Variants in GRIP1 observed in about 807,000 individuals in gnomAD.
The protein encoded by GRIP1 is glutamate receptor-interacting protein 1.
Under a neutral mutation model 129.9 loss-of-function variants are expected in GRIP1, and 45 were observed. The ratio of observed to expected loss-of-function variants is 0.35; its 90% CI spans 0.27 to 0.44. The LOEUF (loss-of-function observed/expected upper bound fraction) is 0.44. GRIP1 is among the 20% of genes least tolerant of loss of function. The pLI, the probability that GRIP1 is intolerant of heterozygous loss-of-function variation, is 1.00. For synonymous variants in GRIP1, 530 were observed against 520.8 expected, an observed-to-expected ratio of 1.02 and a Z score of -0.24; for missense variants, 1,196 against 1,396.8, an observed-to-expected ratio of 0.86 and a Z score of 2.29.
chr12:66,418,711 A>G (rs2057697791), intron 15 of GRIP1, among the ~76,000 whole-genome samples: 1 of 152,238 alleles, frequency 6.6e-6, no homozygotes, highest in Non-Finnish European at 1.5e-5. Context: ...ATCAGTGGTC[A>G]TCAGAGAAAT....
At chr12:66,532,227 T>C (rs1592501401) in intron 4 of GRIP1, among the ~76,000 whole-genome samples, 2 of 152,334 alleles carry the variant, frequency 1.3e-5, no homozygotes, top group African/African-American at 2.4e-5. Context: ...GGCTGGCTCT[T>C]CATGATTGGG....
In GRIP1 at chr12:66,515,625, C is replaced by T. The variant is rs1235575904; in HGVS notation, c.718G>A (p.Val240Ile). Residue 240 changes from valine (V) to isoleucine (I), a missense_variant, in exon 7 of 25, where the codon GTA becomes ATA. By Grantham distance (29) the Val-to-Ile change is conservative. Around this residue, in one of 5 missense-constraint regions of GRIP1, gnomAD observed 508 missense variants for 587.0 expected, o/e 0.87. Transcript: ENST00000359742. The part of the protein sequence containing the change: ...AALLIEYDVS[V>I]MDSVATASGP... Reference sequence around the variant, plus strand: ...CCTCAGGACCCCAACATACCCATTACTGAGACATCATATTCTATCAGCAGT... The same window carrying T: ...CCTCAGGACCCCAACATACCCATTATTGAGACATCATATTCTATCAGCAGT... 3 of 1,613,208 alleles carry T rather than the reference C, an allele frequency of 1.9e-6. No homozygotes were observed. The African/African-American group carries it at 4.0e-5, about 22-fold the overall frequency.
chr12:66,573,892 A>T (rs541179404), intron 2 of GRIP1, among the ~76,000 whole-genome samples: 1 of 152,268 alleles, frequency 6.6e-6, no homozygotes, highest in Admixed American at 6.5e-5. Context: ...GACTGCTGAG[A>T]GGGGGATCAT....
intron 2 of GRIP1, among the ~76,000 whole-genome samples, chr12:66,566,071 A>G (rs890306870): frequency 1.7e-4 from 26 of 152,132 alleles, no homozygotes; most frequent in Non-Finnish European, 1.9e-4. Flanking sequence ...CTGCAAACAG[A>G]GACAATTTGA....
At chr12:66,557,147 A>G (rs1047663428) in intron 2 of GRIP1, among the ~76,000 whole-genome samples, 3 of 152,114 alleles carry the variant, frequency 2.0e-5, no homozygotes, top group Non-Finnish European at 2.9e-5. Flanking sequence ...TCCTATGCCA[A>G]TGGAAACCAC....
chr12:66,565,341 T>C (rs145665664), intron 2 of GRIP1, among the ~76,000 whole-genome samples: 5,623 of 152,334 alleles, frequency 0.037, 336 homozygotes, highest in African/African-American at 0.13. Context: ...TTTCAATATA[T>C]GGCTAGCCAG....
At chr12:66,951,118 CAAAT>C (rs1200902280) in intron 1 of GRIP1, among the ~76,000 whole-genome samples, 1 of 152,102 alleles carries the variant, frequency 6.6e-6, no homozygotes, top group African/African-American at 2.4e-5. Flanking sequence ...AAATCTTAAT[CAAAT>C]AAACTTATAA....
Position 66,520,019 on chromosome 12 carries a change from GT to G in GRIP1, c.503-2044del, listed in dbSNP as rs1363095983. ...AGCTTCTATTGTTTAGGGAATAAAG[GT>G]TTTAGAACCTGTGACTTATAGCATT... On this transcript the variant is annotated intron_variant, in intron 5 of 24. Coordinates refer to ENST00000359742, the MANE Select transcript of GRIP1 (RefSeq NM_001366722.1). 2.0e-5 allele frequency among the ~76,000 whole-genome samples: 3 copies of G among 152,126 alleles called. No individual in the cohort carries two copies. The East Asian group carries it at 5.8e-4, about 29-fold the overall frequency.
intron 1 of GRIP1, among the ~76,000 whole-genome samples, chr12:66,799,970 G>C (rs188009767): frequency 3.9e-4 from 59 of 152,144 alleles, no homozygotes; most frequent in Non-Finnish European, 7.5e-4. Flanking sequence ...TTTAAAATAC[G>C]ATTTGAATAT....
chr12:66,482,069 C>T (rs1047144876), intron 7 of GRIP1, among the ~76,000 whole-genome samples: 2 of 152,184 alleles, frequency 1.3e-5, no homozygotes, highest in Middle Eastern at 3.4e-3. Flanking sequence ...GTATGTTCTG[C>T]ACATGTATCC....
At chr12:66,896,180 A>C (rs2040743679) in intron 1 of GRIP1, among the ~76,000 whole-genome samples, 1 of 152,198 alleles carries the variant, frequency 6.6e-6, no homozygotes, top group Non-Finnish European at 1.5e-5. Flanking sequence ...ACCTAAGAGA[A>C]TTCTGTGATG....
intron 1 of GRIP1, among the ~76,000 whole-genome samples, chr12:66,648,107 C>T (rs540513436): frequency 2.6e-5 from 4 of 152,184 alleles, no homozygotes; most frequent in African/African-American, 9.6e-5. Context: ...TTCTTGCTAC[C>T]GAGGCCCTGG....
At chr12:66,628,241 G>C (rs150041282) in intron 1 of GRIP1, among the ~76,000 whole-genome samples, 58 of 152,230 alleles carry the variant, frequency 3.8e-4, no homozygotes, top group African/African-American at 1.3e-3. Flanking sequence ...AACATGGCTT[G>C]GTAATTTTAT....
chr12:66,373,796 T>A (rs1407935348), intron 22 of GRIP1, among the ~76,000 whole-genome samples: 1 of 152,216 alleles, frequency 6.6e-6, no homozygotes, highest in Non-Finnish European at 1.5e-5. Context: ...ACAGATTGCA[T>A]GTAGAATATC....
At position 66,679,032 on chromosome 12, in the gene GRIP1, G is replaced by C. The variant is rs1283423610; in HGVS notation, c.-128C>G. 1 of 1,559,340 alleles carries C rather than the reference G, an allele frequency of 6.4e-7. No individual in the cohort carries two copies. Among genetic ancestry groups the C allele is most frequent in the Admixed American group, 1.9e-5 (1 of 52,924 alleles). On this transcript the variant is annotated 5_prime_UTR_variant, in exon 1 of 25. Coordinates refer to ENST00000359742, the MANE Select transcript of GRIP1 (RefSeq NM_001366722.1). ...GGTAGTCCCAGTGGGGAGTGACAAA[G>C]CTTAATTCCTCTTGGCTGATGCAGA...
chr12:66,515,920 GAAGT>G lies in GRIP1; in HGVS notation c.579-160_579-157del, dbSNP rs2060831025. ...TCAAATGTGACAGTAAGAGTATAAA[GAAGT>G]AACCCTGAACAGAAAATTGCTGTAA... On this transcript the variant is annotated intron_variant, in intron 6 of 24. Coordinates refer to ENST00000359742, the MANE Select transcript of GRIP1 (RefSeq NM_001366722.1). Among the ~76,000 whole-genome samples the G allele has an allele frequency of 4.6e-5, 7 of 152,202 alleles. No homozygotes were observed. The South Asian group carries it at 1.0e-3, about 23-fold the overall frequency.
rs755820515 is a variant in GRIP1 at position 66,349,033 on chromosome 12, T to C, written c.3373A>G (p.Thr1125Ala). 2 of 1,609,574 alleles carry C rather than the reference T, an allele frequency of 1.2e-6. No homozygotes were observed. Among genetic ancestry groups the C allele is most frequent in the African/African-American group, 1.3e-5 (1 of 74,842 alleles). ...HGGNLETREP[T>A]NTL Reference sequence around the variant, plus strand: ...AAAAAGCGTTGCTATAATGTATTAGTGGGTTCTCGTGTCTCCAAATTACCA... The same window carrying C: ...AAAAAGCGTTGCTATAATGTATTAGCGGGTTCTCGTGTCTCCAAATTACCA... Residue 1125 changes from threonine to alanine, a missense_variant, in exon 25 of 25, where the codon ACT becomes GCT. This residue lies in a region of GRIP1 where 427 missense variants were observed against 463.3 expected (regional missense o/e 0.92). Transcript: ENST00000359742.
At chr12:66,675,986 C>T (rs1395619503) in intron 1 of GRIP1, among the ~76,000 whole-genome samples, 2 of 152,076 alleles carry the variant, frequency 1.3e-5, no homozygotes, top group East Asian at 3.9e-4. Context: ...GCTAAGTTTA[C>T]CTGAAATATA....
At chr12:66,835,245 G>A (rs1007476919) in intron 1 of GRIP1, among the ~76,000 whole-genome samples, 19 of 152,108 alleles carry the variant, frequency 1.2e-4, no homozygotes, top group African/African-American at 4.3e-4. Context: ...ATGCAATATA[G>A]TATAGCCATT....
Sources: gnomAD v4.1 joint callset for allele counts (sites outside exome capture counted in the v4.1 genomes callset) on GRCh38, gnomAD v4.1.1 for gene constraint, gnomAD v4.1.1 regional missense constraint, MANE v1.5 for transcripts, NCBI Gene and HGNC (gene_info 2026-07-23, HGNC 2026-07-21) for gene names.